The following CDK17 variants were observed in gnomAD, a reference collection of about 807,000 sequenced individuals.
CDK17 encodes cyclin dependent kinase 17, also known as cyclin-dependent kinase 17.
A neutral mutation model predicts 77.6 loss-of-function variants in CDK17; 24 were observed. The observed-to-expected ratio is 0.31, with a 90% CI of 0.22 to 0.44. CDK17 has a LOEUF of 0.44. Ranked by LOEUF, CDK17 falls within the 20% of genes least tolerant of loss-of-function variation. The pLI is 1.00. For missense variants in CDK17, 429 were observed against 622.5 expected, an observed-to-expected ratio of 0.69 and a Z score of 3.31; for synonymous variants, 203 against 210.4, an observed-to-expected ratio of 0.96 and a Z score of 0.30.
chr12:96,316,295 G>T (rs1157766530), intron 3 of CDK17, among the ~76,000 whole-genome samples: 1 of 152,052 alleles, frequency 6.6e-6, no homozygotes, highest in Non-Finnish European at 1.5e-5. Flanking sequence ...CACCTGGCTC[G>T]GAGGGTCCTA....
At chr12:96,388,704 T>C (rs1192972226) in intron 1 of CDK17, among the ~76,000 whole-genome samples, 1 of 152,222 alleles carries the variant, frequency 6.6e-6, no homozygotes, top group East Asian at 1.9e-4. Context: ...CTTACATTGC[T>C]ATAAAGGAAT....
intron 4 of CDK17, among the ~76,000 whole-genome samples, chr12:96,312,481 T>A (rs556951332): frequency 1.6e-4 from 25 of 152,240 alleles, no homozygotes; most frequent in African/African-American, 4.8e-4. Context: ...GTCACATAAA[T>A]ATATCGTTGA....
At position 96,322,503 on chromosome 12, in the gene CDK17, A is replaced by G. The variant is rs138655209; in HGVS notation, c.283+1445T>C. ...CTAACTGCCCCCTTACAAAAAAAAA[A>G]AAAACAAACCCTGGTCTAGACAAAC... is the stretch of plus-strand genomic sequence containing the variant. On this transcript the variant is annotated intron_variant, in intron 3 of 16. Coordinates refer to ENST00000261211, the MANE Select transcript of CDK17 (RefSeq NM_002595.5). Among the ~76,000 whole-genome samples the G allele has an allele frequency of 1.2e-4, 19 of 152,070 alleles. No homozygotes were observed. In the South Asian group the frequency reaches 3.9e-3, roughly 31 times the overall value.
At chr12:96,326,086 T>C (rs905697953) in intron 2 of CDK17, among the ~76,000 whole-genome samples, 5 of 152,152 alleles carry the variant, frequency 3.3e-5, no homozygotes, top group African/African-American at 1.2e-4. Flanking sequence ...ATGTGAAATA[T>C]CACAACATTC....
intron 1 of CDK17, among the ~76,000 whole-genome samples, chr12:96,389,619 A>G (rs1457602842): frequency 6.6e-6 from 1 of 152,204 alleles, no homozygotes; most frequent in African/African-American, 2.4e-5. Context: ...ATAAACCATG[A>G]TCTCAAAAGC....
In CDK17 at chr12:96,298,916, A is replaced by T; in HGVS notation, c.668T>A (p.Ile223Asn). 6.2e-7 allele frequency: 1 copy of T among 1,611,030 alleles called. No individual in the cohort carries two copies. The highest frequency in any genetic ancestry group is 8.5e-7 in the Non-Finnish European group (1 of 1,177,494). ...LTENLVALKE[I>N]RLEHEEGAPC... is the part of the protein sequence containing the mutation. ...TGCACCTTCTTCATGTTCCAATCGG[A>T]TCTCTTTTAATGCCACCAAATTCTC... Residue 223 changes from isoleucine to asparagine, a missense_variant, in exon 7 of 17, where the codon ATC (isoleucine) becomes AAC (asparagine). Physicochemically the swap from Ile to Asn is moderately radical, Grantham distance 149. Transcript: ENST00000261211.
chr12:96,364,263 T>C (rs936168738), intron 1 of CDK17, among the ~76,000 whole-genome samples: 3 of 152,234 alleles, frequency 2.0e-5, no homozygotes, highest in Non-Finnish European at 4.4e-5. Context: ...TTCCTTTCTG[T>C]TGGGTAAAAT....
At chr12:96,398,497 C>A (rs1006966980) in intron 1 of CDK17, among the ~76,000 whole-genome samples, 1 of 152,202 alleles carries the variant, frequency 6.6e-6, no homozygotes, top group African/African-American at 2.4e-5. Flanking sequence ...TTTGTCTACC[C>A]AAGGTATCAA....
intron 11 of CDK17, among the ~76,000 whole-genome samples, 174 bp downstream of exon 11, chr12:96,288,993 A>G (rs1234520619): frequency 6.6e-6 from 1 of 152,244 alleles, no homozygotes; most frequent in Non-Finnish European, 1.5e-5. Flanking sequence ...AAATGGCAGA[A>G]TTGGTATTTA....
chr12:96,341,314 T>TACACACAC lies in CDK17; in HGVS notation c.-29-6450_-29-6449insGTGTGTGT, dbSNP rs1419704777. ...GTTTTTACTCATAGCACTTATCATA[T>TACACACAC]ACATACACACACACACACACACACA... is the stretch of plus-strand genomic sequence containing the variant. On this transcript the variant is annotated intron_variant, in intron 1 of 16. Coordinates refer to ENST00000261211, the MANE Select transcript of CDK17 (RefSeq NM_002595.5). Among the ~76,000 whole-genome samples the TACACACAC allele has an allele frequency of 5.1e-4, 34 of 66,356 alleles. No individual in the cohort carries two copies. The South Asian group carries it at 0.016, about 31-fold the overall frequency. The allele number at this position is 66,356 out of a possible 152,430, so 43.5% of individuals were successfully genotyped here.
At chr12:96,312,173 G>GGGCTAA (rs1356065242) in intron 4 of CDK17, among the ~76,000 whole-genome samples, 3 of 152,200 alleles carry the variant, frequency 2.0e-5, no homozygotes, top group African/African-American at 7.2e-5. Context: ...CAGCTACTTG[G>GGGCTAA]GGCTAAGGCA....
chr12:96,308,938 G>A (rs1952613117), intron 5 of CDK17, among the ~76,000 whole-genome samples: 1 of 151,670 alleles, frequency 6.6e-6, no homozygotes, highest in African/African-American at 2.4e-5. Flanking sequence ...CCTTAATTTT[G>A]AATACATTCC....
chr12:96,345,649 G>C (rs1953196211), intron 1 of CDK17, among the ~76,000 whole-genome samples: 1 of 152,102 alleles, frequency 6.6e-6, no homozygotes, highest in South Asian at 2.1e-4. Context: ...CAATATAAAA[G>C]GGAAGAGACA....
chr12:96,384,835 G>T (rs1354647607), intron 1 of CDK17, among the ~76,000 whole-genome samples: 1 of 151,878 alleles, frequency 6.6e-6, no homozygotes, highest in Non-Finnish European at 1.5e-5. Context: ...GGGCAACATA[G>T]ACCTTGTATC....
chr12:96,389,413 A>G (rs1189634845), intron 1 of CDK17, among the ~76,000 whole-genome samples: 1 of 152,226 alleles, frequency 6.6e-6, no homozygotes, highest in Non-Finnish European at 1.5e-5. Flanking sequence ...ATCTTTTCCA[A>G]AAAATTGTAC....
intron 1 of CDK17, among the ~76,000 whole-genome samples, chr12:96,391,296 C>CT (rs1213844794): frequency 1.4e-3 from 196 of 135,572 alleles, no homozygotes; most frequent in African/African-American, 4.1e-3. Flanking sequence ...TTTTTTTTTT[C>CT]TTTTTTTTTT....
chr12:96,397,021 C>T (rs2137255412), intron 1 of CDK17, among the ~76,000 whole-genome samples: 1 of 152,140 alleles, frequency 6.6e-6, no homozygotes, highest in Admixed American at 6.5e-5. Context: ...GAATAGCTAC[C>T]CCAGTTGCCA....
intron 1 of CDK17, among the ~76,000 whole-genome samples, chr12:96,365,256 T>A (rs1953564893): frequency 6.6e-6 from 1 of 152,188 alleles, no homozygotes; most frequent in Non-Finnish European, 1.5e-5. Flanking sequence ...ATAACATGAA[T>A]AACATCACTA....
At chr12:96,395,937 T>C (rs528191483) in intron 1 of CDK17, among the ~76,000 whole-genome samples, 2 of 152,338 alleles carry the variant, frequency 1.3e-5, no homozygotes, top group Admixed American at 1.3e-4. Context: ...AATACGTCTG[T>C]GTTTTAAGCC....
Sources: gnomAD v4.1 joint callset for allele counts (sites outside exome capture counted in the v4.1 genomes callset) on GRCh38, gnomAD v4.1.1 for gene constraint, MANE v1.5 for transcripts, NCBI Gene and HGNC (gene_info 2026-07-23, HGNC 2026-07-21) for gene names.